Variants in ZNF385B observed in about 807,000 individuals in gnomAD.
The protein encoded by ZNF385B is zinc finger protein 533.
ZNF385B carries 23 observed loss-of-function variants against 39.2 expected under a neutral mutation model. That is an observed-to-expected ratio of 0.59 (90% CI 0.42 to 0.83). The LOEUF (loss-of-function observed/expected upper bound fraction) is 0.83, where lower values mean the gene tolerates loss of function less well. Ranked by LOEUF, ZNF385B falls within the 40% of genes least tolerant of loss-of-function variation. The probability of loss-of-function intolerance (pLI) is 0.00; values close to 1 mark genes in which losing one functional copy is unlikely to be tolerated. For missense variants in ZNF385B, 552 were observed against 598.9 expected, an observed-to-expected ratio of 0.92 and a Z score of 0.82; for synonymous variants, 205 against 222.6, an observed-to-expected ratio of 0.92 and a Z score of 0.70.
chr2:179,639,070 A>C (rs1490842761), intron 3 of ZNF385B, among the ~76,000 whole-genome samples: 1 of 151,766 alleles, frequency 6.6e-6, no homozygotes, highest in Non-Finnish European at 1.5e-5. Context: ...AAATACAAAA[A>C]ATTGTTCCAA....
At chr2:179,828,593 G>C (rs1469381710) in intron 1 of ZNF385B, among the ~76,000 whole-genome samples, 1 of 151,948 alleles carries the variant, frequency 6.6e-6, no homozygotes, top group Non-Finnish European at 1.5e-5. Flanking sequence ...TACATTATTG[G>C]AAAAAAGAAT....
At chr2:179,814,547 C>G in intron 1 of ZNF385B, 1 of 785,652 alleles carries the variant, frequency 1.3e-6, no homozygotes, top group Non-Finnish European at 2.1e-6. Flanking sequence ...CTGGCAACAA[C>G]AAGATTAACT....
chr2:179,841,289 T>C (rs1034841529), intron 1 of ZNF385B, among the ~76,000 whole-genome samples: 1 of 151,852 alleles, frequency 6.6e-6, no homozygotes, highest in Non-Finnish European at 1.5e-5. Context: ...AGGGGGAAAA[T>C]GGTTGACATT....
intron 3 of ZNF385B, among the ~76,000 whole-genome samples, chr2:179,679,066 G>T (rs1457795750): frequency 6.6e-6 from 1 of 152,102 alleles, no homozygotes; most frequent in African/African-American, 2.4e-5. Context: ...TCATGTAATT[G>T]TCAGTAGTCT....
rs546715483 is a variant in ZNF385B at position 179,606,732 on chromosome 2, G to A, written c.299-61763C>T. Among the ~76,000 whole-genome samples the A allele has an allele frequency of 1.8e-3, 277 of 152,168 alleles. 3 individuals are homozygous for A. The highest frequency in any genetic ancestry group is 2.8e-3 in the Non-Finnish European group (193 of 67,996). ...ATAAAAGCAGTACAGCTTTATCACC[G>A]AAATTTTGAAAAGCAGAGGAAATGA... On this transcript the variant is annotated intron_variant, in intron 3 of 9. Transcript: ENST00000410066.
intron 5 of ZNF385B, among the ~76,000 whole-genome samples, chr2:179,492,358 T>C (rs1294776653): frequency 6.6e-6 from 1 of 152,208 alleles, no homozygotes; most frequent in Admixed American, 6.5e-5. Flanking sequence ...ATTAAAGCTG[T>C]GACTCTATAG....
chr2:179,701,878 T>A (rs1174897132), intron 3 of ZNF385B, among the ~76,000 whole-genome samples: 1 of 152,112 alleles, frequency 6.6e-6, no homozygotes, highest in South Asian at 2.1e-4. Flanking sequence ...CTTCCACATA[T>A]AAAGGTATCC....
intron 3 of ZNF385B, among the ~76,000 whole-genome samples, chr2:179,657,359 T>A (rs1216782397): frequency 6.6e-6 from 1 of 152,236 alleles, no homozygotes; most frequent in African/African-American, 2.4e-5. Flanking sequence ...AACTGCTATG[T>A]GGCCAAGAAT....
chr2:179,444,826 A>G (rs750744643), intron 9 of ZNF385B, 50 bp downstream of exon 9: 26 of 1,530,028 alleles, frequency 1.7e-5, no homozygotes, highest in African/African-American at 4.1e-5. Context: ...TGGCTGCCCA[A>G]CCCAGCAAGG....
chr2:179,611,221 A>T (rs965997311), intron 3 of ZNF385B, among the ~76,000 whole-genome samples: 1 of 152,080 alleles, frequency 6.6e-6, no homozygotes, highest in South Asian at 2.1e-4. Context: ...CTCTTTTCAT[A>T]TCCAGTTTTT....
intron 1 of ZNF385B, among the ~76,000 whole-genome samples, chr2:179,831,612 T>C (rs1302067797): frequency 6.6e-6 from 1 of 152,194 alleles, no homozygotes; most frequent in Non-Finnish European, 1.5e-5. Flanking sequence ...ATATAATCTC[T>C]AATTTTCCAG....
chr2:179,773,713 T>A (rs1704142967), intron 1 of ZNF385B, among the ~76,000 whole-genome samples: 1 of 152,158 alleles, frequency 6.6e-6, no homozygotes, highest in African/African-American at 2.4e-5. Flanking sequence ...GTGAACACGG[T>A]CAAGGAGATG....
chr2:179,554,055 C>G (rs1222055512), intron 3 of ZNF385B, among the ~76,000 whole-genome samples: 4 of 148,878 alleles, frequency 2.7e-5, no homozygotes, highest in East Asian at 1.9e-4. Context: ...ATAAGAGTAG[C>G]TATATCATAG....
chr2:179,765,070 C>G (rs540336551), intron 3 of ZNF385B, among the ~76,000 whole-genome samples: 1 of 152,184 alleles, frequency 6.6e-6, no homozygotes, highest in Non-Finnish European at 1.5e-5. Context: ...AGATTTCCTA[C>G]AGATCTTGAA....
intron 1 of ZNF385B, among the ~76,000 whole-genome samples, chr2:179,830,337 A>G (rs1707915897): frequency 6.6e-6 from 1 of 152,222 alleles, no homozygotes; most frequent in Non-Finnish European, 1.5e-5. Context: ...AAAGCCAAGC[A>G]TTGTCTTACC....
intron 4 of ZNF385B, among the ~76,000 whole-genome samples, chr2:179,533,083 C>T (rs895547676): frequency 6.6e-6 from 1 of 152,148 alleles, no homozygotes; most frequent in African/African-American, 2.4e-5. Flanking sequence ...TGAAGGTTCC[C>T]CAGATGCATA....
At chr2:179,469,135 G>C (rs923134204) in intron 6 of ZNF385B, among the ~76,000 whole-genome samples, 1 of 152,144 alleles carries the variant, frequency 6.6e-6, no homozygotes, top group Non-Finnish European at 1.5e-5. Context: ...TGCCTATGGA[G>C]TAGCCATTCT....
chr2:179,488,618 A>G (rs2054870856), intron 5 of ZNF385B, among the ~76,000 whole-genome samples: 1 of 152,164 alleles, frequency 6.6e-6, no homozygotes, highest in Non-Finnish European at 1.5e-5. Context: ...TACCAATAGA[A>G]CCAACCTTTT....
At chr2:179,597,712 T>C (rs532756883) in intron 3 of ZNF385B, among the ~76,000 whole-genome samples, 4 of 152,318 alleles carry the variant, frequency 2.6e-5, no homozygotes, top group East Asian at 3.9e-4. Flanking sequence ...CTGGGAACAT[T>C]GGAATGTTTT....
Sources: allele counts gnomAD v4.1 joint callset (sites outside exome capture counted in the v4.1 genomes callset), GRCh38; gene constraint gnomAD v4.1.1; transcripts MANE v1.5; gene names NCBI Gene and HGNC (gene_info 2026-07-23, HGNC 2026-07-21).